Variants in LUZP2 observed in about 807,000 individuals in gnomAD.
LUZP2 encodes the protein leucine zipper protein 2.
LUZP2 carries 52 observed loss-of-function variants against 51.6 expected under a neutral mutation model. The observed-to-expected ratio is 1.01, with a 90% CI of 0.81 to 1.27. The LOEUF is 1.27. Among genes scored for constraint, LUZP2 ranks in the 50% most tolerant of loss-of-function variants. The probability of loss-of-function intolerance (pLI) is 0.00; values close to 1 mark genes in which losing one functional copy is unlikely to be tolerated. For synonymous variants in LUZP2, 154 were observed against 137.3 expected (o/e 1.12, Z -0.85); for missense variants, 436 against 395.4 (o/e 1.10, Z -0.87).
intron 1 of LUZP2, among the ~76,000 whole-genome samples, chr11:24,551,039 T>G (rs1851709766): frequency 6.6e-6 from 1 of 152,014 alleles, no homozygotes; most frequent in Non-Finnish European, 1.5e-5. Context: ...TCAATAAAAT[T>G]TATACATTTA....
intron 1 of LUZP2, among the ~76,000 whole-genome samples, chr11:24,605,747 C>G (rs991011021): frequency 2.6e-5 from 4 of 151,712 alleles, no homozygotes; most frequent in African/African-American, 9.7e-5. Flanking sequence ...GATATACTCT[C>G]TTAGGAAATT....
intron 5 of LUZP2, among the ~76,000 whole-genome samples, chr11:24,873,446 A>T (rs971071828): frequency 6.6e-6 from 1 of 152,220 alleles, no homozygotes; most frequent in Non-Finnish European, 1.5e-5. Context: ...CATTGTCATT[A>T]TATGAAAAGC....
At position 24,914,475 on chromosome 11, in the gene LUZP2, G is replaced by T. The variant is rs137882897; in HGVS notation, c.460-1G>T. On this transcript the variant is annotated splice_acceptor_variant, in intron 6 of 11. Coordinates refer to ENST00000336930, the MANE Select transcript of LUZP2 (RefSeq NM_001009909.4). LOFTEE classifies it high-confidence loss of function. ...AACTTATCCATGTTTTTGCCTTACAGTCAAAAAAAATCCAAGCCCAGCTGA... is the reference window on the plus strand; with the variant it reads ...AACTTATCCATGTTTTTGCCTTACATTCAAAAAAAATCCAAGCCCAGCTGA... The T allele has an allele frequency of 1.0e-4, 163 of 1,604,716 alleles. No homozygotes were observed. Among genetic ancestry groups the T allele is most frequent in the Non-Finnish European group, 1.4e-4 (161 of 1,176,188 alleles).
intron 7 of LUZP2, among the ~76,000 whole-genome samples, chr11:24,948,669 T>C (rs1854971202): frequency 6.6e-6 from 1 of 151,750 alleles, no homozygotes. Context: ...ACTCATGGGT[T>C]TTTAGAACCT....
chr11:24,499,872 T>C (rs983233338), intron 1 of LUZP2, among the ~76,000 whole-genome samples: 3 of 152,168 alleles, frequency 2.0e-5, no homozygotes, highest in Non-Finnish European at 2.9e-5. Context: ...TATTTTAAAG[T>C]AATCTGTTCA....
chr11:24,616,684 C>A (rs1271939600), intron 1 of LUZP2, among the ~76,000 whole-genome samples: 1 of 152,094 alleles, frequency 6.6e-6, no homozygotes, highest in Non-Finnish European at 1.5e-5. Flanking sequence ...TCCACTAATA[C>A]CACACATTAT....
At chr11:24,828,558 GAA>G (rs57464249) in intron 5 of LUZP2, among the ~76,000 whole-genome samples, 21,381 of 135,004 alleles carry the variant, frequency 0.16, 1,604 homozygotes, top group East Asian at 0.23. Context: ...CCCTGTGGCA[GAA>G]AAAAAAAAAA....
At chr11:24,861,628 C>A (rs1194940939) in intron 5 of LUZP2, among the ~76,000 whole-genome samples, 1 of 152,152 alleles carries the variant, frequency 6.6e-6, no homozygotes, top group African/African-American at 2.4e-5. Flanking sequence ...AGTGTAAGAG[C>A]AGCTAGGGGA....
rs113837630 is a variant in LUZP2 at position 24,616,689 on chromosome 11, C to T, written c.63-112480C>T. Among the ~76,000 whole-genome samples, 1,052 of 152,268 alleles carry T rather than the reference C, an allele frequency of 6.9e-3. 10 individuals carry two copies. Among genetic ancestry groups the T allele is most frequent in the African/African-American group, 0.024 (983 of 41,534 alleles). On this transcript the variant is annotated intron_variant, in intron 1 of 11. Coordinates refer to ENST00000336930, the MANE Select transcript of LUZP2 (RefSeq NM_001009909.4). The stretch of plus-strand genomic sequence containing the variant: ...TGTCTGTACTTCCACTAATACCACA[C>T]ATTATTTATTACGTAGCTGTATATT...
At chr11:25,011,673 C>G (rs1450524086) in intron 9 of LUZP2, among the ~76,000 whole-genome samples, 1 of 152,008 alleles carries the variant, frequency 6.6e-6, no homozygotes, top group East Asian at 1.9e-4. Context: ...TGAAGACACA[C>G]TAAACAGTTT....
intron 7 of LUZP2, among the ~76,000 whole-genome samples, chr11:24,971,188 T>C (rs1855726542): frequency 6.6e-6 from 1 of 152,182 alleles, no homozygotes; most frequent in African/African-American, 2.4e-5. Context: ...ACCAGTTTCA[T>C]GGAAGACCAT....
At chr11:24,845,055 C>T (rs1039627198) in intron 5 of LUZP2, among the ~76,000 whole-genome samples, 4 of 152,136 alleles carry the variant, frequency 2.6e-5, no homozygotes, top group African/African-American at 9.7e-5. Flanking sequence ...GGAGGGCCAC[C>T]ATCCTCCAGA....
chr11:24,916,327 TA>T (rs1853787830), intron 7 of LUZP2, among the ~76,000 whole-genome samples: 2 of 152,170 alleles, frequency 1.3e-5, no homozygotes, highest in East Asian at 3.9e-4. Flanking sequence ...TTTTATTTTT[TA>T]TTTTTTTTAT....
intron 1 of LUZP2, among the ~76,000 whole-genome samples, chr11:24,727,039 A>G (rs1268057625): frequency 7.2e-6 from 1 of 139,496 alleles, no homozygotes; most frequent in Non-Finnish European, 1.6e-5. Context: ...TGTATTTACC[A>G]GAAAATAGAG....
intron 1 of LUZP2, among the ~76,000 whole-genome samples, chr11:24,640,018 T>C (rs1225236256): frequency 1.3e-5 from 2 of 151,890 alleles, no homozygotes; most frequent in African/African-American, 4.9e-5. Context: ...AAGTTATCCA[T>C]TGTTTTTGCT....
chr11:24,983,295 T>C lies in LUZP2; in HGVS notation c.765+2T>C. 1 of 1,610,942 alleles carries C rather than the reference T, an allele frequency of 6.2e-7. No individual in the cohort carries two copies. Among genetic ancestry groups the C allele is most frequent in the Non-Finnish European group, 8.5e-7 (1 of 1,178,214 alleles). ...CCAGATGCAGCGGCCAAAAGCAAGGTACCTACCTTTTATTTGCGCTTTGTA... is the reference window on the plus strand; with the variant it reads ...CCAGATGCAGCGGCCAAAAGCAAGGCACCTACCTTTTATTTGCGCTTTGTA... On this transcript the variant is annotated splice_donor_variant, in intron 9 of 11. Coordinates refer to ENST00000336930, the MANE Select transcript of LUZP2 (RefSeq NM_001009909.4). LOFTEE classifies it high-confidence loss of function.
At chr11:24,545,009 G>A (rs1308047795) in intron 1 of LUZP2, among the ~76,000 whole-genome samples, 1 of 151,868 alleles carries the variant, frequency 6.6e-6, no homozygotes, top group Non-Finnish European at 1.5e-5. Context: ...ATCTCATTGT[G>A]GTTTTGATTT....
Position 24,627,750 on chromosome 11 carries a change from A to T in LUZP2, c.63-101419A>T, listed in dbSNP as rs12285329. ...TTGAAGCTGCAGGCCTGAGAGACAGACTTTAGAATAAGGTAGCCTTACAAG... is the reference window on the plus strand; with the variant it reads ...TTGAAGCTGCAGGCCTGAGAGACAGTCTTTAGAATAAGGTAGCCTTACAAG... On this transcript the variant is annotated intron_variant, in intron 1 of 11. Coordinates refer to ENST00000336930, the MANE Select transcript of LUZP2 (RefSeq NM_001009909.4). Among the ~76,000 whole-genome samples, 5 of 152,116 alleles carry T rather than the reference A, an allele frequency of 3.3e-5. No individual in the cohort carries two copies. The South Asian group carries it at 1.0e-3, about 31-fold the overall frequency.
intron 5 of LUZP2, among the ~76,000 whole-genome samples, chr11:24,876,190 G>A (rs1852255560): frequency 6.7e-6 from 1 of 148,646 alleles, no homozygotes; most frequent in South Asian, 2.2e-4. Context: ...TGTCCTGAAT[G>A]GTAATGCCTA....
Sources: gnomAD v4.1 joint callset for allele counts (sites outside exome capture counted in the v4.1 genomes callset) on GRCh38, gnomAD v4.1.1 for gene constraint, MANE v1.5 for transcripts, NCBI Gene and HGNC (gene_info 2026-07-23, HGNC 2026-07-21) for gene names.